Variants in PLB1 observed in about 807,000 individuals in gnomAD.
PLB1 encodes the protein phospholipase B1, membrane-associated.
A neutral mutation model predicts 227.4 loss-of-function variants in PLB1; 242 were observed. That is an observed-to-expected ratio of 1.06 (90% confidence interval 0.96 to 1.18). The LOEUF (loss-of-function observed/expected upper bound fraction) is 1.18. PLB1 is among the 50% of genes most tolerant of loss of function. The pLI, the probability that PLB1 is intolerant of heterozygous loss-of-function variation, is 0.00. For missense variants in PLB1, 1,858 were observed against 1,816.3 expected (o/e 1.02, Z -0.42); for synonymous variants, 757 against 682.2 (o/e 1.11, Z -1.71).
intron 33 of PLB1, among the ~76,000 whole-genome samples, chr2:28,597,079 C>T (rs1040065391): frequency 5.3e-5 from 8 of 152,054 alleles, no homozygotes; most frequent in South Asian, 4.2e-4. Flanking sequence ...CTGGCTAACA[C>T]GGTGGAACCC....
At chr2:28,555,692 T>TTTGCTGAATAAATAA (rs1674968368) in intron 17 of PLB1, among the ~76,000 whole-genome samples, 1 of 152,098 alleles carries the variant, frequency 6.6e-6, no homozygotes, top group Non-Finnish European at 1.5e-5. Context: ...CCAATAAATA[T>TTTGCTGAATAAATAA]TTGCTGAACT....
chr2:28,606,627 C>T (rs1684722221), intron 43 of PLB1, 60 bp downstream of exon 43: 5 of 1,461,716 alleles, frequency 3.4e-6, no homozygotes, highest in East Asian at 4.5e-5. Context: ...GCTCGCCCTA[C>T]CCACTTCGTC....
intron 17 of PLB1, among the ~76,000 whole-genome samples, chr2:28,562,590 T>A (rs2148238042): frequency 6.9e-6 from 1 of 145,330 alleles, no homozygotes; most frequent in African/African-American, 2.5e-5. Flanking sequence ...CCTTTTTCAC[T>A]TTAGAGAAAC....
chr2:28,588,744 T>C lies in PLB1; in HGVS notation c.1816-706T>C, dbSNP rs1300862067. ...ACACCATGCACAGGCAATATAAATA[T>C]ACATTAAATTTTGATTCACCTTTGA... On this transcript the variant is annotated intron_variant, in intron 26 of 57. Coordinates refer to ENST00000327757, the MANE Select transcript of PLB1 (RefSeq NM_153021.5). Among the ~76,000 whole-genome samples, 5 of 152,208 alleles carry C rather than the reference T, an allele frequency of 3.3e-5. No individual in the cohort carries two copies. In the South Asian group the frequency reaches 1.0e-3, roughly 32 times the overall value.
intron 40 of PLB1, among the ~76,000 whole-genome samples, chr2:28,604,403 A>C (rs769282446): frequency 6.6e-6 from 1 of 152,108 alleles, no homozygotes; most frequent in Non-Finnish European, 1.5e-5. Context: ...CCAGGTTTTT[A>C]TCCCTTTTGG....
chr2:28,584,310 G>A (rs1035387430), intron 25 of PLB1, among the ~76,000 whole-genome samples: 10 of 152,312 alleles, frequency 6.6e-5, no homozygotes, highest in East Asian at 1.9e-4. Context: ...GACCCAAACC[G>A]CACAGGTCCC....
intron 18 of PLB1, 77 bp downstream of exon 18, chr2:28,563,176 G>C: frequency 6.9e-7 from 1 of 1,443,218 alleles, no homozygotes; most frequent in Non-Finnish European, 9.7e-7. Flanking sequence ...GGAAAATGGA[G>C]AGAGAAGGTC....
chr2:28,584,501 T>C (rs10210827), intron 25 of PLB1, among the ~76,000 whole-genome samples: 60,450 of 152,096 alleles, frequency 0.4, 12,763 homozygotes, highest in African/African-American at 0.55. Context: ...TTCAGAGCAG[T>C]TTACCAGAAA....
chr2:28,554,664 A>C (rs762858990), intron 17 of PLB1, among the ~76,000 whole-genome samples: 1 of 152,006 alleles, frequency 6.6e-6, no homozygotes. Context: ...CATTTACAGC[A>C]AAGTAATATC....
At chr2:28,504,107 A>G (rs562200518) in intron 1 of PLB1, among the ~76,000 whole-genome samples, 1 of 152,284 alleles carries the variant, frequency 6.6e-6, no homozygotes, top group Admixed American at 6.5e-5. Flanking sequence ...ATCTCTTGAA[A>G]TGTTGCCTCT....
chr2:28,517,211 A>G (rs1668957173), intron 2 of PLB1, among the ~76,000 whole-genome samples: 1 of 152,242 alleles, frequency 6.6e-6, no homozygotes, highest in Admixed American at 6.5e-5. Context: ...TCCATAAGAT[A>G]AGAGCTGAGA....
At chr2:28,546,133 C>T (rs1317611936) in intron 14 of PLB1, among the ~76,000 whole-genome samples, 2 of 152,236 alleles carry the variant, frequency 1.3e-5, no homozygotes, top group African/African-American at 2.4e-5. Context: ...CTGAGTGAGG[C>T]CTCCAGGCTG....
intron 19 of PLB1, 149 bp from the exon 20 acceptor site, chr2:28,566,647 C>A: frequency 6.3e-6 from 5 of 793,018 alleles, no homozygotes; most frequent in East Asian, 2.7e-5. Flanking sequence ...TTTGCTTTTT[C>A]CGTTTTTCTA....
At chr2:28,604,149 T>A in intron 40 of PLB1, 102 bp downstream of exon 40, 2 of 1,183,678 alleles carry the variant, frequency 1.7e-6, no homozygotes, top group Non-Finnish European at 2.5e-6. Flanking sequence ...GAAAAGCTGG[T>A]CAGGGATTGT....
intron 17 of PLB1, among the ~76,000 whole-genome samples, chr2:28,557,730 T>C (rs1472060303): frequency 2.0e-5 from 3 of 152,218 alleles, no homozygotes; most frequent in Non-Finnish European, 1.5e-5. Context: ...TTGTACCAGA[T>C]AATGTTTAGC....
intron 17 of PLB1, among the ~76,000 whole-genome samples, chr2:28,560,313 A>G (rs1675855838): frequency 6.6e-6 from 1 of 151,906 alleles, no homozygotes. Flanking sequence ...TAATTGGGGG[A>G]GTGGGAGGTG....
chr2:28,525,367 T>C lies in PLB1; in HGVS notation c.284+60T>C, dbSNP rs983027834. ...GCCCGGAGATGCTCCCATCTAATCT[T>C]CTTGCCTTATTAATGGGAAAGATTG... is the stretch of plus-strand genomic sequence containing the variant. On this transcript the variant is annotated intron_variant, in intron 5 of 57. Transcript: ENST00000327757. The C allele has an allele frequency of 2.6e-6, 4 of 1,544,122 alleles. No individual in the cohort carries two copies. In the African/African-American group the frequency reaches 5.5e-5, roughly 21 times the overall value.
intron 14 of PLB1, among the ~76,000 whole-genome samples, chr2:28,544,753 G>A (rs771298417): frequency 2.0e-5 from 3 of 152,180 alleles, no homozygotes; most frequent in African/African-American, 2.4e-5. Flanking sequence ...CACGGAGGGC[G>A]TTCCCAGGCA....
chr2:28,582,219 G>A, intron 24 of PLB1, 86 bp downstream of exon 24: 1 of 1,472,028 alleles, frequency 6.8e-7, no homozygotes, highest in Non-Finnish European at 9.5e-7. Context: ...GACCTCCTTG[G>A]CAGGTCACCT....
Sources: gnomAD v4.1 joint callset for allele counts (sites outside exome capture counted in the v4.1 genomes callset) on GRCh38, gnomAD v4.1.1 for gene constraint, MANE v1.5 for transcripts, NCBI Gene and HGNC (gene_info 2026-07-23, HGNC 2026-07-21) for gene names.